The following IMMP2L variants were observed in gnomAD, a reference collection of about 807,000 sequenced individuals.
IMMP2L encodes the protein inner mitochondrial membrane peptidase subunit 2, also known as mitochondrial inner membrane protease subunit 2.
IMMP2L carries 18 observed loss-of-function variants against 19.3 expected under a neutral mutation model. The ratio of observed to expected loss-of-function variants is 0.93; its 90% confidence interval spans 0.64 to 1.38. IMMP2L has a LOEUF of 1.38. Ranked by LOEUF, IMMP2L falls within the 40% of genes most tolerant of loss-of-function variation. The pLI, the probability that IMMP2L is intolerant of heterozygous loss-of-function variation, is 0.00. For synonymous variants in IMMP2L, 76 were observed against 73.0 expected, an observed-to-expected ratio of 1.04 and a Z score of -0.21; for missense variants, 233 against 218.2, an observed-to-expected ratio of 1.07 and a Z score of -0.43.
chr7:110,697,369 C>T (rs1217466667), intron 5 of IMMP2L, among the ~76,000 whole-genome samples: 1 of 152,192 alleles, frequency 6.6e-6, no homozygotes, highest in Non-Finnish European at 1.5e-5. Context: ...TAACTTTATA[C>T]TCAAATGTTT....
chr7:111,455,510 CAAAAT>C (rs1393825868), intron 3 of IMMP2L, among the ~76,000 whole-genome samples: 2 of 152,024 alleles, frequency 1.3e-5, no homozygotes, highest in African/African-American at 4.8e-5. Context: ...TCAAATTACT[CAAAAT>C]AAAATACTGC....
intron 3 of IMMP2L, among the ~76,000 whole-genome samples, chr7:111,222,654 C>A (rs1812645508): frequency 6.6e-6 from 1 of 151,772 alleles, no homozygotes. Context: ...TACAATCGAA[C>A]AATACCAAGT....
At chr7:110,984,267 G>C (rs1000471018) in intron 3 of IMMP2L, among the ~76,000 whole-genome samples, 1 of 151,200 alleles carries the variant, frequency 6.6e-6, no homozygotes, top group Admixed American at 6.6e-5. Flanking sequence ...GCTTAAGCTA[G>C]TTGAGTGGTA....
rs542153717 is a variant in IMMP2L at position 111,389,090 on chromosome 7, A to G, written c.239+98148T>C. Among the ~76,000 whole-genome samples, 34 of 152,246 alleles carry G rather than the reference A, an allele frequency of 2.2e-4. No homozygotes were observed. In the South Asian group the frequency reaches 6.0e-3, roughly 27 times the overall value. On this transcript the variant is annotated intron_variant, in intron 3 of 5. Coordinates refer to ENST00000405709, the MANE Select transcript of IMMP2L (RefSeq NM_032549.4). ...GCCAGGGCTGGGGCAAGAAAAGTAC[A>G]AGATAAGCTTGAACCACACCTTTTA...
chr7:110,955,401 G>C (rs1341305165), intron 4 of IMMP2L, among the ~76,000 whole-genome samples: 8 of 151,860 alleles, frequency 5.3e-5, no homozygotes, highest in Non-Finnish European at 8.8e-5. Flanking sequence ...GAGGGATACT[G>C]ATGATTTTTC....
At chr7:110,784,217 G>A (rs1034804591) in intron 5 of IMMP2L, among the ~76,000 whole-genome samples, 1 of 151,800 alleles carries the variant, frequency 6.6e-6, no homozygotes, top group African/African-American at 2.4e-5. Flanking sequence ...AAAACCTATG[G>A]ACTTCTTCAG....
intron 3 of IMMP2L, among the ~76,000 whole-genome samples, chr7:111,413,224 A>C (rs1256016988): frequency 6.6e-6 from 1 of 152,156 alleles, no homozygotes; most frequent in South Asian, 2.1e-4. Context: ...ATAATTAACA[A>C]TCTTCCCAAA....
chr7:110,877,605 A>G lies in IMMP2L; in HGVS notation c.408+8988T>C, dbSNP rs1180094671. 6.6e-6 allele frequency among the ~76,000 whole-genome samples: 1 copy of G among 152,164 alleles called. No individual in the cohort carries two copies. The highest frequency in any genetic ancestry group is 1.5e-5 in the Non-Finnish European group (1 of 68,016). ...AAAATTTGGCGGGAGACAGGATCAA[A>G]AGGGTTTGACTGCCCTGCTAATGAC... On this transcript the variant is annotated intron_variant, in intron 5 of 5. Coordinates refer to ENST00000405709, the MANE Select transcript of IMMP2L (RefSeq NM_032549.4). The surrounding 1 kb of genome is among the most constrained non-coding windows in gnomAD (Gnocchi z 4.0).
intron 4 of IMMP2L, among the ~76,000 whole-genome samples, chr7:110,898,994 G>A (rs867832197): frequency 3.2e-4 from 49 of 151,722 alleles, no homozygotes; most frequent in Admixed American, 1.2e-3. Context: ...CAAGACATAT[G>A]AACTGACTGA....
At chr7:111,005,960 A>G (rs1445968273) in intron 3 of IMMP2L, among the ~76,000 whole-genome samples, 1 of 148,330 alleles carries the variant, frequency 6.7e-6, no homozygotes, top group African/African-American at 2.5e-5. Context: ...AATTTCAGAA[A>G]GGCCAGGTTT....
chr7:110,888,637 A>G (rs1563056461), intron 4 of IMMP2L, among the ~76,000 whole-genome samples: 1 of 152,316 alleles, frequency 6.6e-6, no homozygotes, highest in South Asian at 2.1e-4. Context: ...GATAGAAAGC[A>G]ACAGCATCAT....
At chr7:111,138,288 C>T (rs1043127636) in intron 3 of IMMP2L, among the ~76,000 whole-genome samples, 3 of 152,192 alleles carry the variant, frequency 2.0e-5, no homozygotes, top group Non-Finnish European at 2.9e-5. Context: ...TTAGCTAAAG[C>T]TTTTCTTCTG....
At chr7:111,020,687 A>T (rs1826190797) in intron 3 of IMMP2L, among the ~76,000 whole-genome samples, 1 of 152,148 alleles carries the variant, frequency 6.6e-6, no homozygotes, top group Admixed American at 6.5e-5. Flanking sequence ...ACTTGAGCCC[A>T]GAAGGGCAAG....
intron 1 of IMMP2L, among the ~76,000 whole-genome samples, chr7:111,542,285 T>A (rs950960504): frequency 2.6e-5 from 4 of 152,138 alleles, no homozygotes; most frequent in Non-Finnish European, 5.9e-5. Context: ...ATTGTGAAAC[T>A]AATAAAATAA....
chr7:111,419,157 A>G (rs1835235943), intron 3 of IMMP2L, among the ~76,000 whole-genome samples: 2 of 151,812 alleles, frequency 1.3e-5, no homozygotes, highest in South Asian at 4.1e-4. Context: ...CAGCTGTAGA[A>G]TAATGTTATT....
intron 3 of IMMP2L, among the ~76,000 whole-genome samples, chr7:111,349,490 C>G (rs571930905): frequency 6.6e-6 from 1 of 152,238 alleles, no homozygotes; most frequent in South Asian, 2.1e-4. Flanking sequence ...ACATCAGGTG[C>G]CTTTCTCTTT....
chr7:111,268,552 T>C (rs541309759), intron 3 of IMMP2L, among the ~76,000 whole-genome samples: 146 of 142,006 alleles, frequency 1.0e-3, no homozygotes, highest in Non-Finnish European at 1.9e-3. Flanking sequence ...GAGATATGAG[T>C]TAAACTTCAC....
intron 3 of IMMP2L, among the ~76,000 whole-genome samples, chr7:111,054,651 T>C (rs879404243): frequency 2.0e-5 from 3 of 152,178 alleles, no homozygotes; most frequent in Non-Finnish European, 4.4e-5. Context: ...AGAAATGCCT[T>C]CTTCAGTATG....
chr7:111,058,328 TA>T (rs1793700766), intron 3 of IMMP2L, among the ~76,000 whole-genome samples: 1 of 152,196 alleles, frequency 6.6e-6, no homozygotes, highest in African/African-American at 2.4e-5. Flanking sequence ...TACAAAATTA[TA>T]ATGTGTATTT....
Sources: allele counts gnomAD v4.1 joint callset (sites outside exome capture counted in the v4.1 genomes callset), GRCh38; gene constraint gnomAD v4.1.1; non-coding constraint Gnocchi (gnomAD v3.1); transcripts MANE v1.5; gene names NCBI Gene and HGNC (gene_info 2026-07-23, HGNC 2026-07-21).